CNTN6: variants seen among roughly 807,000 people sequenced by gnomAD.
The protein encoded by CNTN6 is contactin-6.
Under a neutral mutation model 122.8 loss-of-function variants are expected in CNTN6, and 137 were observed. The ratio of observed to expected loss-of-function variants is 1.12; its 90% CI spans 0.97 to 1.29. The LOEUF (loss-of-function observed/expected upper bound fraction) is 1.29. Ranked by LOEUF, CNTN6 falls within the 50% of genes most tolerant of loss-of-function variation. The pLI is 0.00. For missense variants in CNTN6, 1,634 were observed against 1,223.4 expected (o/e 1.34, Z -5.01); for synonymous variants, 570 against 426.0 (o/e 1.34, Z -4.16).
At chr3:1,255,864 AG>A (rs2094749301) in intron 4 of CNTN6, among the ~76,000 whole-genome samples, 1 of 151,568 alleles carries the variant, frequency 6.6e-6, no homozygotes, top group African/African-American at 2.4e-5. Flanking sequence ...ATTTTATTTT[AG>A]TTTTAGTTTT....
chr3:1,299,291 G>A (rs1435692509), intron 7 of CNTN6, among the ~76,000 whole-genome samples: 1 of 151,910 alleles, frequency 6.6e-6, no homozygotes, highest in Non-Finnish European at 1.5e-5. Context: ...AGAAGTTAAG[G>A]TTTATAAAAA....
intron 11 of CNTN6, among the ~76,000 whole-genome samples, chr3:1,348,139 G>A (rs560810186): frequency 1.0e-4 from 7 of 69,976 alleles, no homozygotes; most frequent in Admixed American, 9.3e-4. Context: ...GGTAATATTA[G>A]TATTTCTATG....
At chr3:1,237,155 T>C (rs995987164) in intron 4 of CNTN6, among the ~76,000 whole-genome samples, 4 of 151,156 alleles carry the variant, frequency 2.6e-5, no homozygotes, top group Non-Finnish European at 5.9e-5. Context: ...ATACAGAAAA[T>C]TAAAGGAAAA....
At chr3:1,185,488 C>A (rs1040406762) in intron 2 of CNTN6, among the ~76,000 whole-genome samples, 1 of 152,138 alleles carries the variant, frequency 6.6e-6, no homozygotes, top group East Asian at 1.9e-4. Context: ...TGCATTAGCA[C>A]AAATCCTTGG....
intron 11 of CNTN6, among the ~76,000 whole-genome samples, chr3:1,347,018 A>G (rs567529991): frequency 1.1e-4 from 17 of 152,328 alleles, no homozygotes; most frequent in African/African-American, 3.1e-4. Context: ...CTCTTTAAAA[A>G]TCTGCCTTCA....
chr3:1,340,636 CAA>C (rs1338696636), intron 11 of CNTN6, among the ~76,000 whole-genome samples: 3 of 152,104 alleles, frequency 2.0e-5, no homozygotes, highest in Admixed American at 6.6e-5. Flanking sequence ...AGTTAGCAGA[CAA>C]AGAGTCACAC....
intron 4 of CNTN6, among the ~76,000 whole-genome samples, chr3:1,245,275 ACACACAC>A (rs1398685165): frequency 8.7e-4 from 4 of 4,586 alleles, no homozygotes; most frequent in African/African-American, 2.1e-3. Context: ...ATATATATAT[ACACACAC>A]ATATATATAT....
At chr3:1,360,993 T>TC (rs1240824115) in intron 12 of CNTN6, among the ~76,000 whole-genome samples, 5 of 152,120 alleles carry the variant, frequency 3.3e-5, no homozygotes, top group Non-Finnish European at 7.3e-5. Context: ...ACATACAGAA[T>TC]CTAACCACTT....
intron 20 of CNTN6, among the ~76,000 whole-genome samples, chr3:1,397,528 G>A (rs1236015623): frequency 1.3e-5 from 2 of 151,196 alleles, no homozygotes; most frequent in African/African-American, 4.9e-5. Context: ...AAGAAACAGA[G>A]GTACTGCAAA....
chr3:1,303,627 C>T (rs1392492205), intron 7 of CNTN6, among the ~76,000 whole-genome samples: 2 of 152,118 alleles, frequency 1.3e-5, no homozygotes, highest in Non-Finnish European at 2.9e-5. Context: ...CTTGCTAATT[C>T]TATCATCTCA....
chr3:1,379,811 A>G (rs1710397031), intron 17 of CNTN6, among the ~76,000 whole-genome samples: 1 of 152,134 alleles, frequency 6.6e-6, no homozygotes, highest in Admixed American at 6.5e-5. Context: ...TACTGAGCCA[A>G]CTTCTTCTGG....
rs376567571 is a variant in CNTN6 at position 1,389,064 on chromosome 3, G to A, written c.2704+3267G>A. Reference sequence around the variant, plus strand: ...TTCAGATTCAGGAAATACAGAGAACGCCACAAAGATACTCCTCGAGAAGAG... The same window carrying A: ...TTCAGATTCAGGAAATACAGAGAACACCACAAAGATACTCCTCGAGAAGAG... On this transcript the variant is annotated intron_variant, in intron 20 of 22. Coordinates refer to ENST00000446702, the MANE Select transcript of CNTN6 (RefSeq NM_001289080.2). Among the ~76,000 whole-genome samples, 206 of 145,452 alleles carry A rather than the reference G, an allele frequency of 1.4e-3. 2 individuals carry two copies. The East Asian group carries it at 0.015, about 11-fold the overall frequency.
chr3:1,153,812 A>T (rs1394044315), intron 2 of CNTN6, among the ~76,000 whole-genome samples: 2 of 152,246 alleles, frequency 1.3e-5, no homozygotes, highest in Non-Finnish European at 2.9e-5. Flanking sequence ...ACGATGTATC[A>T]CACAGCAAAT....
intron 4 of CNTN6, among the ~76,000 whole-genome samples, chr3:1,230,124 A>C (rs2094335492): frequency 6.6e-6 from 1 of 152,014 alleles, no homozygotes; most frequent in Non-Finnish European, 1.5e-5. Flanking sequence ...ATTCCTCACA[A>C]CCTCCTTCAT....
In CNTN6 at chr3:1,349,149, A is replaced by G. The variant is rs1705224174; in HGVS notation, c.1365-3175A>G. Among the ~76,000 whole-genome samples, 4 of 151,952 alleles carry G rather than the reference A, an allele frequency of 2.6e-5. No individual in the cohort carries two copies. The South Asian group carries it at 8.3e-4, about 31-fold the overall frequency. ...GTTGAATTTTTGGAAGTCTCCCATC[A>G]TTTCATGGTGCTCACAAATTTCCAC... On this transcript the variant is annotated intron_variant, in intron 11 of 22. Transcript: ENST00000446702.
At chr3:1,188,931 G>C (rs752833444) in intron 2 of CNTN6, among the ~76,000 whole-genome samples, 30 of 152,164 alleles carry the variant, frequency 2.0e-4, no homozygotes, top group Middle Eastern at 3.2e-3. Context: ...GTCTAGCCTA[G>C]GCTTGAGTTA....
chr3:1,346,849 C>A (rs1485127637), intron 11 of CNTN6, among the ~76,000 whole-genome samples: 2 of 152,104 alleles, frequency 1.3e-5, no homozygotes, highest in African/African-American at 4.8e-5. Context: ...TGATGTGATC[C>A]TTCTCCTTCC....
At chr3:1,396,159 G>A (rs1486643669) in intron 20 of CNTN6, among the ~76,000 whole-genome samples, 3 of 152,178 alleles carry the variant, frequency 2.0e-5, no homozygotes, top group African/African-American at 7.2e-5. Flanking sequence ...TTCACAATGT[G>A]TCTCAAAGCT....
chr3:1,113,315 G>A (rs760259642), intron 1 of CNTN6, among the ~76,000 whole-genome samples: 25 of 152,132 alleles, frequency 1.6e-4, no homozygotes, highest in Non-Finnish European at 3.2e-4. Context: ...TACTAAAAAA[G>A]ATGCTGTATT....
Sources: allele counts gnomAD v4.1 joint callset (sites outside exome capture counted in the v4.1 genomes callset), GRCh38; gene constraint gnomAD v4.1.1; transcripts MANE v1.5; gene names NCBI Gene and HGNC (gene_info 2026-07-23, HGNC 2026-07-21).